The following TRMT44 variants were observed in gnomAD, a reference collection of about 807,000 sequenced individuals.
TRMT44 encodes probable tRNA (uracil-O(2)-)-methyltransferase.
Under a neutral mutation model 77.3 loss-of-function variants are expected in TRMT44, and 78 were observed. That is an observed-to-expected ratio of 1.01 (90% CI 0.84 to 1.22). TRMT44 has a LOEUF of 1.22. Ranked by LOEUF, TRMT44 falls within the 50% of genes most tolerant of loss-of-function variation. The pLI, the probability that TRMT44 is intolerant of heterozygous loss-of-function variation, is 0.00. For missense variants in TRMT44, 1,090 were observed against 964.4 expected (o/e 1.13, Z -1.73); for synonymous variants, 391 against 383.3 (o/e 1.02, Z -0.23).
the TRMT44 span, among the ~76,000 whole-genome samples, chr4:8,501,530 T>C: frequency 2.0e-5 from 3 of 152,198 alleles, no homozygotes; most frequent in Non-Finnish European, 4.4e-5. The surrounding 1 kb of genome is among the most constrained non-coding windows in gnomAD (Gnocchi z 4.4). Context: ...TGAGTACATT[T>C]GGAGCCTAAC....
chr4:8,451,748 TTTGGA>T lies in TRMT44; in HGVS notation c.955-203_955-199del. 6.6e-6 allele frequency among the ~76,000 whole-genome samples: 1 copy of T among 152,372 alleles called. No individual in the cohort carries two copies. Among genetic ancestry groups the T allele is most frequent in the East Asian group, 1.9e-4 (1 of 5,194 alleles). ...CATTCTGTTGATTGTGAAATCTTGCTTTGGATTGGATTGTTCTTGGCATGCCTTGT... is the reference window on the plus strand; with the variant it reads ...CATTCTGTTGATTGTGAAATCTTGCTTTGGATTGTTCTTGGCATGCCTTGT... On this transcript the variant is annotated intron_variant, in intron 3 of 10. Transcript: ENST00000389737. This position sits in a 1 kb window ranked among gnomAD's most constrained non-coding sequence, Gnocchi z 4.1.
chr4:8,466,845 G>T (rs959770355), intron 8 of TRMT44, among the ~76,000 whole-genome samples: 4 of 152,210 alleles, frequency 2.6e-5, no homozygotes, highest in Non-Finnish European at 4.4e-5. Flanking sequence ...TTTTAAAGCA[G>T]TTCACACACA....
Position 8,440,796 on chromosome 4 carries a change from G to T in TRMT44, c.-27G>T, listed in dbSNP as rs968285397. The stretch of plus-strand genomic sequence containing the variant: ...GGCTGCGTCATCTCGGCGCGCCGCT[G>T]CCAGGGCTGTACACCTGCTGGCTGC... On this transcript the variant is annotated 5_prime_UTR_variant, in exon 1 of 11. Coordinates refer to ENST00000389737, the MANE Select transcript of TRMT44 (RefSeq NM_152544.3). The T allele has an allele frequency of 1.0e-5, 14 of 1,399,200 alleles. No homozygotes were observed. Among genetic ancestry groups the T allele is most frequent in the Non-Finnish European group, 1.2e-5 (13 of 1,080,708 alleles). The allele number at this position is 1,399,200 out of a possible 1,614,324, so 86.7% of individuals were successfully genotyped here.
intron 9 of TRMT44, 182 bp downstream of exon 9, chr4:8,468,528 TATAAAC>T (rs1334049440): frequency 1.4e-5 from 9 of 629,302 alleles, no homozygotes; most frequent in South Asian, 1.4e-4. Context: ...AAATAGCTCT[TATAAAC>T]ATAAAGGACT....
At position 8,446,094 on chromosome 4, in the gene TRMT44, A is replaced by C. The variant is rs1328006283; in HGVS notation, c.620-382A>C. On this transcript the variant is annotated intron_variant, in intron 1 of 10. Transcript: ENST00000389737. The surrounding 1 kb of genome is among the most constrained non-coding windows in gnomAD (Gnocchi z 4.3). ...CTGAACTGGCCTCTGATGGCTGAGC[A>C]GTGTTCTGTGCCTTGCTCACACTCG... 6.6e-6 allele frequency among the ~76,000 whole-genome samples: 1 copy of C among 152,212 alleles called. No homozygotes were observed. The highest frequency in any genetic ancestry group is 2.4e-5 in the African/African-American group (1 of 41,452).
At chr4:8,470,318 CT>C (rs761507954) in intron 9 of TRMT44, among the ~76,000 whole-genome samples, 7 of 152,180 alleles carry the variant, frequency 4.6e-5, no homozygotes, top group Non-Finnish European at 5.9e-5. Flanking sequence ...CCGTAGGGGT[CT>C]GACAGGCTCA....
At chr4:8,460,971 C>T (rs1286407454) in intron 6 of TRMT44, among the ~76,000 whole-genome samples, 3 of 152,188 alleles carry the variant, frequency 2.0e-5, no homozygotes, top group African/African-American at 7.2e-5. Flanking sequence ...ACCTCAGCCT[C>T]CGAGTAGCTG....
In TRMT44 at chr4:8,464,027, GTTGA is replaced by G; in HGVS notation, c.1250_1253del (p.Asp417GlyfsTer2). ...CAATGATAAGACCCTTTTCCCTGATGTTGATTGGTTAATCGGTAACCATTCTGAT... is the reference window on the plus strand; with the variant it reads ...CAATGATAAGACCCTTTTCCCTGATGTTGGTTAATCGGTAACCATTCTGAT... On this transcript the variant is annotated frameshift_variant, in exon 7 of 11. Transcript: ENST00000389737. LOFTEE classifies it high-confidence loss of function. 6.2e-7 allele frequency: 1 copy of G among 1,614,116 alleles called. No individual in the cohort carries two copies. The highest frequency in any genetic ancestry group is 1.1e-5 in the South Asian group (1 of 91,060).
chr4:8,461,442 C>T lies in TRMT44; in HGVS notation c.1204-2543C>T, dbSNP rs1002501259. Among the ~76,000 whole-genome samples, 1 of 152,124 alleles carries T rather than the reference C, an allele frequency of 6.6e-6. No homozygotes were observed. The highest frequency in any genetic ancestry group is 1.5e-5 in the Non-Finnish European group (1 of 68,044). On this transcript the variant is annotated intron_variant, in intron 6 of 10. Transcript: ENST00000389737. The surrounding 1 kb of genome is among the most constrained non-coding windows in gnomAD (Gnocchi z 4.6). ...CCATGTGTCCCCAGGTGAAAAAGCACCTTTGGGTAGGAAATTCAAGCAGCA... is the reference window on the plus strand; with the variant it reads ...CCATGTGTCCCCAGGTGAAAAAGCATCTTTGGGTAGGAAATTCAAGCAGCA...
chr4:8,510,802 G>A, the TRMT44 span: 55,437 of 152,074 alleles, frequency 0.36, 11,098 homozygotes, highest in East Asian at 0.5. Context: ...GGAGGGAGTC[G>A]TGGGGTGGAG....
At chr4:8,466,690 C>T (rs545105411) in intron 8 of TRMT44, among the ~76,000 whole-genome samples, 11 of 152,334 alleles carry the variant, frequency 7.2e-5, no homozygotes, top group African/African-American at 2.6e-4. Flanking sequence ...CCGAGGAGCC[C>T]GTGGCTTTGA....
At chr4:8,516,341 A>G in the TRMT44 span, among the ~76,000 whole-genome samples, 1 of 152,130 alleles carries the variant, frequency 6.6e-6, no homozygotes, top group Non-Finnish European at 1.5e-5. Flanking sequence ...CACTCCTGAC[A>G]CCAGCTGTCC....
At chr4:8,483,897 C>CT (rs563032422) in intron 2 of TRMT44, among the ~76,000 whole-genome samples, 202 of 152,290 alleles carry the variant, frequency 1.3e-3, no homozygotes, top group African/African-American at 4.7e-3. Flanking sequence ...AGTTGCCTGA[C>CT]TCAGGGCATG....
At chr4:8,467,638 G>A (rs1302361619) in intron 8 of TRMT44, among the ~76,000 whole-genome samples, 1 of 152,066 alleles carries the variant, frequency 6.6e-6, no homozygotes, top group Non-Finnish European at 1.5e-5. Context: ...GGGCCACCAC[G>A]CCCGGCTAAT....
downstream of TRMT44, among the ~76,000 whole-genome samples, chr4:8,498,024 C>T (rs552039803): frequency 6.6e-6 from 1 of 152,328 alleles, no homozygotes; most frequent in South Asian, 2.1e-4. The surrounding 1 kb of genome is among the most constrained non-coding windows in gnomAD (Gnocchi z 4.3). Context: ...TGTCCCTCCC[C>T]AGCCTCTGTG....
chr4:8,479,336 CA>C (rs1262163132), downstream of TRMT44: 2 of 151,878 alleles, frequency 1.3e-5, no homozygotes, highest in Admixed American at 1.3e-4. Flanking sequence ...TGTCAATTAA[CA>C]GTGCAGATGC....
At chr4:8,491,016 A>G (rs1350100036) in intron 2 of TRMT44, among the ~76,000 whole-genome samples, 1 of 151,876 alleles carries the variant, frequency 6.6e-6, no homozygotes, top group East Asian at 1.9e-4. Flanking sequence ...CTTGAGCTAA[A>G]CACAGGATGC....
At chr4:8,497,365 G>A (rs1560255475), downstream of TRMT44, among the ~76,000 whole-genome samples, 1 of 152,022 alleles carries the variant, frequency 6.6e-6, no homozygotes, top group African/African-American at 2.4e-5. Context: ...CCTGCTCTGG[G>A]CCGGGCACGG....
At chr4:8,470,505 G>C (rs924870640) in intron 9 of TRMT44, among the ~76,000 whole-genome samples, 3 of 152,262 alleles carry the variant, frequency 2.0e-5, no homozygotes, top group Non-Finnish European at 2.9e-5. Context: ...AATGTCACCA[G>C]GTTTTCTGAT....
Sources: gnomAD v4.1 joint callset for allele counts (sites outside exome capture counted in the v4.1 genomes callset) on GRCh38, gnomAD v4.1.1 for gene constraint, Gnocchi (gnomAD v3.1) non-coding constraint, MANE v1.5 for transcripts, NCBI Gene and HGNC (gene_info 2026-07-23, HGNC 2026-07-21) for gene names.